Variants in EEF1AKMT1 observed in about 807,000 individuals in gnomAD.
The protein encoded by EEF1AKMT1 is EEF1A lysine methyltransferase 1.
A neutral mutation model predicts 21.0 loss-of-function variants in EEF1AKMT1; 18 were observed. The observed-to-expected ratio is 0.86, with a 90% CI of 0.59 to 1.27. EEF1AKMT1 has a LOEUF of 1.27. EEF1AKMT1 is among the 50% of genes most tolerant of loss of function. The probability of loss-of-function intolerance (pLI) is 0.00; values close to 1 mark genes in which losing one functional copy is unlikely to be tolerated. For missense variants in EEF1AKMT1, 246 were observed against 258.6 expected (o/e 0.95, Z 0.33); for synonymous variants, 109 against 94.8 (o/e 1.15, Z -0.87).
At chr13:20,739,710 C>T (rs1398664081) in intron 2 of EEF1AKMT1, among the ~76,000 whole-genome samples, 1 of 152,114 alleles carries the variant, frequency 6.6e-6, no homozygotes, top group Non-Finnish European at 1.5e-5. Context: ...CACAAAAGTT[C>T]TCCAAGTCCC....
intron 4 of EEF1AKMT1, among the ~76,000 whole-genome samples, chr13:20,731,111 A>G (rs2058792424): frequency 6.6e-6 from 1 of 152,220 alleles, no homozygotes; most frequent in African/African-American, 2.4e-5. Flanking sequence ...ATCAGAAGGA[A>G]GAAACTGCAG....
At chr13:20,757,373 T>G (rs960166532) in intron 2 of EEF1AKMT1, 82 bp downstream of exon 2, 32 of 1,508,128 alleles carry the variant, frequency 2.1e-5, no homozygotes, top group Non-Finnish European at 2.8e-5. Flanking sequence ...CGGTTTTAGG[T>G]GAGACAGACA....
intron 4 of EEF1AKMT1, among the ~76,000 whole-genome samples, chr13:20,729,489 C>T (rs1182385221): frequency 3.6e-5 from 4 of 111,612 alleles, no homozygotes; most frequent in South Asian, 3.0e-4. Flanking sequence ...GCAGATTATA[C>T]ACACACACAC....
intron 1 of EEF1AKMT1, among the ~76,000 whole-genome samples, chr13:20,761,881 G>A (rs189688815): frequency 1.9e-4 from 29 of 152,236 alleles, no homozygotes; most frequent in Admixed American, 1.6e-3. Flanking sequence ...GAGACAGGAG[G>A]ATCACTTGAG....
chr13:20,737,519 G>A (rs1247541902), intron 3 of EEF1AKMT1, among the ~76,000 whole-genome samples: 1 of 152,184 alleles, frequency 6.6e-6, no homozygotes, highest in Non-Finnish European at 1.5e-5. Flanking sequence ...TTAAAAGGAA[G>A]AGATAAGACA....
intron 2 of EEF1AKMT1, among the ~76,000 whole-genome samples, chr13:20,748,877 G>A (rs755756890): frequency 1.3e-5 from 2 of 151,674 alleles, no homozygotes; most frequent in Non-Finnish European, 2.9e-5. Flanking sequence ...CTACAGGCAC[G>A]CGCCACCATA....
At chr13:20,748,715 G>GGTTTGTTTTTTT (rs1555326495) in intron 2 of EEF1AKMT1, among the ~76,000 whole-genome samples, 16 of 105,802 alleles carry the variant, frequency 1.5e-4, no homozygotes, top group African/African-American at 5.9e-4. Context: ...ATGTATAGTT[G>GGTTTGTTTTTTT]TTTTTTTTTG....
Position 20,732,044 on chromosome 13 carries a change from A to G in EEF1AKMT1, c.305T>C (p.Phe102Ser), listed in dbSNP as rs967083470. 7 of 1,614,090 alleles carry G rather than the reference A, an allele frequency of 4.3e-6. No individual in the cohort carries two copies. Among genetic ancestry groups the G allele is most frequent in the African/African-American group, 1.3e-5 (1 of 74,924 alleles). The change falls in exon 4 of 5, where the codon TTT becomes TCT. Residue 102 changes from phenylalanine to serine, a missense_variant. Phe to Ser is a radical substitution (Grantham distance 155). Transcript: ENST00000382758. ...LCRENFSIYI[F>S]EYDKRFAMYG... ...CATGGCAAATCTTTTGTCATATTCA[A>G]AGATGTATATCGAAAAGTTTTCTCT...
intron 2 of EEF1AKMT1, among the ~76,000 whole-genome samples, chr13:20,738,360 T>C (rs182032410): frequency 6.6e-6 from 1 of 152,378 alleles, no homozygotes; most frequent in Admixed American, 6.5e-5. Context: ...TTCATGCTGA[T>C]TGGTGATTTT....
intron 2 of EEF1AKMT1, among the ~76,000 whole-genome samples, chr13:20,742,661 A>T (rs1431347838): frequency 6.6e-6 from 1 of 152,190 alleles, no homozygotes; most frequent in African/African-American, 2.4e-5. Context: ...CATAATAATT[A>T]TTCTGGCTTT....
In EEF1AKMT1 at chr13:20,757,358, G is replaced by C. The variant is rs182524268; in HGVS notation, c.144+97C>G. 3,465 of 1,410,182 alleles carry C rather than the reference G, an allele frequency of 2.5e-3. 10 individuals carry two copies. Among genetic ancestry groups the C allele is most frequent in the Non-Finnish European group, 3.1e-3 (3,188 of 1,028,830 alleles). 87.4% of individuals were successfully genotyped at this position (1,410,182 alleles called of 1,614,324 possible). A position where few individuals can be genotyped will look rare whatever the true frequency, so the allele number is the denominator to read the frequency against. On this transcript the variant is annotated intron_variant, in intron 2 of 4. Transcript: ENST00000382758. ...CAGATCCCAAATGACAGGTGACAGA[G>C]ATTCCGGTTTTAGGTGAGACAGACA...
At chr13:20,739,087 G>A (rs1240508764) in intron 2 of EEF1AKMT1, among the ~76,000 whole-genome samples, 1 of 152,126 alleles carries the variant, frequency 6.6e-6, no homozygotes, top group Non-Finnish European at 1.5e-5. Context: ...CTGGCTTCAG[G>A]AGTGAAGCTG....
intron 4 of EEF1AKMT1, among the ~76,000 whole-genome samples, chr13:20,730,400 G>A (rs1273074110): frequency 5.3e-5 from 8 of 152,226 alleles, no homozygotes; most frequent in Admixed American, 1.3e-4. Context: ...GGACAAGCGC[G>A]GCCCGGAGGG....
chr13:20,763,898 T>C (rs1190198502), intron 1 of EEF1AKMT1, among the ~76,000 whole-genome samples: 1 of 152,238 alleles, frequency 6.6e-6, no homozygotes, highest in Non-Finnish European at 1.5e-5. Flanking sequence ...TGTTAAAATT[T>C]ATCTGGATAG....
In EEF1AKMT1 at chr13:20,739,490, G is replaced by A. The variant is rs150990943; in HGVS notation, c.145-1685C>T. On this transcript the variant is annotated intron_variant, in intron 2 of 4. Coordinates refer to ENST00000382758, the MANE Select transcript of EEF1AKMT1 (RefSeq NM_001318939.2). ...GGCCCATTTTATAGAGAGCTGATTG[G>A]TCTGTTTTGACAGGGTGCTGATTGG... Among the ~76,000 whole-genome samples, 279 of 152,308 alleles carry A rather than the reference G, an allele frequency of 1.8e-3. 2 individuals are homozygous for A. The highest frequency in any genetic ancestry group is 6.5e-3 in the African/African-American group (270 of 41,568).
intron 2 of EEF1AKMT1, among the ~76,000 whole-genome samples, chr13:20,746,551 G>A (rs917796385): frequency 2.0e-5 from 3 of 152,202 alleles, no homozygotes; most frequent in African/African-American, 7.2e-5. Context: ...GAATGGAAGG[G>A]CTTTGAGTTC....
At chr13:20,734,871 A>G (rs1292638873) in intron 3 of EEF1AKMT1, among the ~76,000 whole-genome samples, 1 of 152,182 alleles carries the variant, frequency 6.6e-6, no homozygotes, top group Non-Finnish European at 1.5e-5. Context: ...CTAAACCACT[A>G]CATATAATCA....
intron 2 of EEF1AKMT1, among the ~76,000 whole-genome samples, chr13:20,753,066 G>C (rs912231177): frequency 6.6e-6 from 1 of 151,970 alleles, no homozygotes; most frequent in African/African-American, 2.4e-5. Flanking sequence ...TCTAGATGTA[G>C]ATTTTTATTG....
At chr13:20,757,057 G>A (rs1309500750) in intron 2 of EEF1AKMT1, among the ~76,000 whole-genome samples, 10 of 152,106 alleles carry the variant, frequency 6.6e-5, no homozygotes, top group Admixed American at 3.9e-4. Flanking sequence ...CTTGGGAACC[G>A]CCGAACGTGG....
Sources: allele counts gnomAD v4.1 joint callset (sites outside exome capture counted in the v4.1 genomes callset), GRCh38; gene constraint gnomAD v4.1.1; transcripts MANE v1.5; gene names NCBI Gene and HGNC (gene_info 2026-07-23, HGNC 2026-07-21).